The following BAZ2B variants were observed in gnomAD, a reference collection of about 807,000 sequenced individuals.
BAZ2B encodes bromodomain adjacent to zinc finger domain protein 2B.
A neutral mutation model predicts 246.0 loss-of-function variants in BAZ2B; 91 were observed. That is an observed-to-expected ratio of 0.37 (90% CI 0.31 to 0.44). BAZ2B has a LOEUF of 0.44. BAZ2B is among the 20% of genes least tolerant of loss of function. BAZ2B has a pLI of 1.00. For missense variants in BAZ2B, 2,332 were observed against 2,533.7 expected, an observed-to-expected ratio of 0.92 and a Z score of 1.71; for synonymous variants, 855 against 860.0, an observed-to-expected ratio of 0.99 and a Z score of 0.10.
chr2:159,690,575 ATTATT>A, the BAZ2B span, among the ~76,000 whole-genome samples: 1 of 152,140 alleles, frequency 6.6e-6, no homozygotes. Flanking sequence ...TTACTGATTT[ATTATT>A]TGAGTTAGTT....
chr2:159,446,705 T>C (rs564960734), intron 6 of BAZ2B, 77 bp downstream of exon 6: 1 of 1,336,422 alleles, frequency 7.5e-7, no homozygotes, highest in Non-Finnish European at 1.0e-6. Context: ...AAACCATAGA[T>C]TCTGTTGATT....
At chr2:159,529,043 C>T (rs2085069196) in intron 2 of BAZ2B, among the ~76,000 whole-genome samples, 1 of 151,780 alleles carries the variant, frequency 6.6e-6, no homozygotes, top group Non-Finnish European at 1.5e-5. Flanking sequence ...AGCACACCAA[C>T]ATGGCACATG....
chr2:159,635,355 T>TA, the BAZ2B span, among the ~76,000 whole-genome samples: 338 of 147,168 alleles, frequency 2.3e-3, no homozygotes, highest in African/African-American at 7.2e-3. Context: ...AAGAAAAATG[T>TA]AAAAAAAAAA....
At chr2:159,471,654 G>A (rs2150804831) in intron 3 of BAZ2B, among the ~76,000 whole-genome samples, 1 of 152,188 alleles carries the variant, frequency 6.6e-6, no homozygotes, top group South Asian at 2.1e-4. Flanking sequence ...GATACTAAGA[G>A]CATGCTTTTA....
At chr2:159,607,850 T>G (rs1693852510) in intron 1 of BAZ2B, among the ~76,000 whole-genome samples, 1 of 152,202 alleles carries the variant, frequency 6.6e-6, no homozygotes, top group Non-Finnish European at 1.5e-5. Flanking sequence ...TCTCCTACTA[T>G]GAACTTCCAT....
chr2:159,558,937 G>A (rs891481089), intron 1 of BAZ2B, among the ~76,000 whole-genome samples: 1 of 152,086 alleles, frequency 6.6e-6, no homozygotes, highest in African/African-American at 2.4e-5. Context: ...TACCAAATTA[G>A]ATCAGAAGGT....
Position 159,519,210 on chromosome 2 carries a change from C to CTTTTTTTTTTTTTTTT in BAZ2B, c.-3+36597_-3+36612dup, listed in dbSNP as rs564614568. On this transcript the variant is annotated intron_variant, in intron 2 of 36. Coordinates refer to ENST00000392783, the MANE Select transcript of BAZ2B (RefSeq NM_013450.4). ...AAATTCCAACTTCATATTCTATTTT[C>CTTTTTTTTTTTTTTTT]TTTTTTTTTTTTTTTTTTTTTTTTT... is the stretch of plus-strand genomic sequence containing the variant. Among the ~76,000 whole-genome samples, 88 of 57,778 alleles carry CTTTTTTTTTTTTTTTT rather than the reference C, an allele frequency of 1.5e-3. 21 individuals carry two copies. The highest frequency in any genetic ancestry group is 2.3e-3 in the Non-Finnish European group (67 of 29,638). The allele number at this position is 57,778 out of a possible 152,430, so 37.9% of individuals were successfully genotyped here.
chr2:159,666,196 A>G, the BAZ2B span, among the ~76,000 whole-genome samples: 5 of 151,774 alleles, frequency 3.3e-5, no homozygotes, highest in Admixed American at 3.3e-4. Flanking sequence ...GTTTTCAAAG[A>G]GCAAAAGTTT....
intron 2 of BAZ2B, among the ~76,000 whole-genome samples, chr2:159,517,400 A>G (rs2083545442): frequency 6.6e-6 from 1 of 152,022 alleles, no homozygotes. Flanking sequence ...GTATCAAACA[A>G]ACAAAAAACC....
chr2:159,494,148 CCA>C (rs1397929927), intron 2 of BAZ2B, among the ~76,000 whole-genome samples: 1 of 152,144 alleles, frequency 6.6e-6, no homozygotes, highest in African/African-American at 2.4e-5. Context: ...ATGCTGGCTA[CCA>C]ACTCTAAAAT....
the BAZ2B span, among the ~76,000 whole-genome samples, chr2:159,699,530 C>T: frequency 6.6e-6 from 1 of 152,030 alleles, no homozygotes; most frequent in African/African-American, 2.4e-5. Flanking sequence ...GAGCAAGACC[C>T]TGTCTCTTAG....
chr2:159,356,605 C>T (rs188571782), intron 27 of BAZ2B, among the ~76,000 whole-genome samples: 5 of 152,302 alleles, frequency 3.3e-5, no homozygotes, highest in African/African-American at 4.8e-5. Flanking sequence ...GCAGATCTCC[C>T]AGCACAGTAG....
chr2:159,384,271 C>T (rs1260963797), intron 23 of BAZ2B, among the ~76,000 whole-genome samples: 1 of 151,996 alleles, frequency 6.6e-6, no homozygotes, highest in East Asian at 1.9e-4. Context: ...CTTAGCATTA[C>T]TATTTGTTAT....
At chr2:159,414,924 A>G (rs1391479228) in intron 13 of BAZ2B, among the ~76,000 whole-genome samples, 1 of 152,218 alleles carries the variant, frequency 6.6e-6, no homozygotes, top group East Asian at 1.9e-4. Context: ...TAATAGTGGT[A>G]CTGTGGTTAT....
At chr2:159,478,076 T>A (rs1441039714) in intron 3 of BAZ2B, among the ~76,000 whole-genome samples, 1 of 152,218 alleles carries the variant, frequency 6.6e-6, no homozygotes, top group African/African-American at 2.4e-5. Context: ...AGTGCTGGGA[T>A]TACAGGGTGA....
At chr2:159,550,065 G>C (rs1390869876) in intron 2 of BAZ2B, among the ~76,000 whole-genome samples, 1 of 151,988 alleles carries the variant, frequency 6.6e-6, no homozygotes, top group East Asian at 1.9e-4. Flanking sequence ...CAAGTGATCT[G>C]CCCACCTCTG....
intron 14 of BAZ2B, among the ~76,000 whole-genome samples, chr2:159,408,820 T>C (rs1445319675): frequency 6.6e-6 from 1 of 152,100 alleles, no homozygotes; most frequent in Non-Finnish European, 1.5e-5. Context: ...CTCAGGAGGC[T>C]GAGGCAGGAG....
intron 21 of BAZ2B, among the ~76,000 whole-genome samples, 199 bp downstream of exon 21, chr2:159,389,146 C>A (rs1372737213): frequency 6.6e-6 from 1 of 151,820 alleles, no homozygotes; most frequent in Admixed American, 6.6e-5. Context: ...AACAAAAAAA[C>A]CGCCATTACC....
the BAZ2B span, among the ~76,000 whole-genome samples, chr2:159,691,953 G>C: frequency 6.6e-6 from 1 of 152,154 alleles, no homozygotes; most frequent in Non-Finnish European, 1.5e-5. Flanking sequence ...ACTTTATGCA[G>C]TTATTAATAC....
Sources: gnomAD v4.1 joint callset for allele counts (sites outside exome capture counted in the v4.1 genomes callset) on GRCh38, gnomAD v4.1.1 for gene constraint, MANE v1.5 for transcripts, NCBI Gene and HGNC (gene_info 2026-07-23, HGNC 2026-07-21) for gene names.